Variants in DNER observed in about 807,000 individuals in gnomAD.
The protein encoded by DNER is delta and Notch-like epidermal growth factor-related receptor.
A neutral mutation model predicts 78.2 loss-of-function variants in DNER; 33 were observed. The observed-to-expected ratio is 0.42, with a 90% confidence interval of 0.32 to 0.56. DNER has a LOEUF of 0.56. Ranked by LOEUF, DNER falls within the 20% of genes least tolerant of loss-of-function variation. The pLI, the probability that DNER is intolerant of heterozygous loss-of-function variation, is 0.11. For missense variants in DNER, 918 were observed against 975.3 expected (o/e 0.94, Z 0.78); for synonymous variants, 417 against 384.8 (o/e 1.08, Z -0.98).
chr2:229,461,674 T>C (rs1694705840), intron 7 of DNER, among the ~76,000 whole-genome samples: 1 of 151,998 alleles, frequency 6.6e-6, no homozygotes, highest in South Asian at 2.1e-4. Flanking sequence ...TAATATACAG[T>C]CCTAACTGGA....
chr2:229,616,640 G>C (rs751127068), intron 1 of DNER, among the ~76,000 whole-genome samples: 7 of 152,194 alleles, frequency 4.6e-5, no homozygotes, highest in Non-Finnish European at 5.9e-5. Flanking sequence ...CTATCCACTT[G>C]TGGTCATCAT....
At chr2:229,560,877 G>A (rs370138742) in intron 4 of DNER, among the ~76,000 whole-genome samples, 6 of 151,944 alleles carry the variant, frequency 3.9e-5, no homozygotes, top group Admixed American at 1.3e-4. Flanking sequence ...TAAAGGGGCC[G>A]GGGGCATTAA....
intron 8 of DNER, 135 bp from the exon 9 acceptor site, chr2:229,418,365 T>C (rs939094698): frequency 6.5e-6 from 8 of 1,235,330 alleles, no homozygotes; most frequent in Non-Finnish European, 7.7e-6. Flanking sequence ...AGGAGCTAGA[T>C]CTCTTGGGGT....
intron 4 of DNER, among the ~76,000 whole-genome samples, chr2:229,571,055 C>T (rs867862231): frequency 1.3e-5 from 2 of 151,964 alleles, no homozygotes; most frequent in Non-Finnish European, 2.9e-5. Context: ...TGGGGTGAAG[C>T]GGGGAGGCCA....
At chr2:229,578,984 G>A (rs1697348586) in intron 4 of DNER, among the ~76,000 whole-genome samples, 1 of 152,316 alleles carries the variant, frequency 6.6e-6, no homozygotes, top group Admixed American at 6.5e-5. Flanking sequence ...TCCAAGATGA[G>A]AGGCAGCTGG....
chr2:229,518,224 T>C (rs147803612), intron 5 of DNER, among the ~76,000 whole-genome samples: 113 of 152,338 alleles, frequency 7.4e-4, no homozygotes, highest in Non-Finnish European at 1.4e-3. Context: ...TAACTGGCTA[T>C]TACTGGATAA....
chr2:229,599,689 A>C (rs1304323709), intron 1 of DNER, among the ~76,000 whole-genome samples: 1 of 152,230 alleles, frequency 6.6e-6, no homozygotes, highest in Admixed American at 6.5e-5. Flanking sequence ...ACTATCATGA[A>C]GGAAGAAATG....
chr2:229,542,353 C>T (rs1483961683), intron 5 of DNER, among the ~76,000 whole-genome samples: 1 of 152,050 alleles, frequency 6.6e-6, no homozygotes, highest in Non-Finnish European at 1.5e-5. Context: ...AAGACCTTCC[C>T]CCAAATACTG....
chr2:229,518,942 A>G (rs970648275), intron 5 of DNER, among the ~76,000 whole-genome samples: 2 of 146,228 alleles, frequency 1.4e-5, no homozygotes, highest in South Asian at 2.3e-4. Context: ...GATGCAAATC[A>G]TGCGATTACT....
intron 9 of DNER, among the ~76,000 whole-genome samples, chr2:229,408,358 G>A (rs1693435011): frequency 2.0e-5 from 3 of 152,038 alleles, no homozygotes; most frequent in South Asian, 4.2e-4. Context: ...ATCTGCTGAT[G>A]TTACACTGGA....
At chr2:229,690,041 G>T (rs1699542233) in intron 1 of DNER, among the ~76,000 whole-genome samples, 1 of 152,186 alleles carries the variant, frequency 6.6e-6, no homozygotes, top group African/African-American at 2.4e-5. Flanking sequence ...CTTTCTGTGG[G>T]TCACTGTAGT....
intron 1 of DNER, among the ~76,000 whole-genome samples, chr2:229,655,447 G>A (rs998043990): frequency 6.6e-6 from 1 of 152,130 alleles, no homozygotes; most frequent in Admixed American, 6.5e-5. Context: ...CAGGAAAAGA[G>A]AGGAGATTTC....
chr2:229,438,449 C>A (rs1408438291), intron 8 of DNER, among the ~76,000 whole-genome samples: 1 of 152,194 alleles, frequency 6.6e-6, no homozygotes, highest in Non-Finnish European at 1.5e-5. Flanking sequence ...ATATCACCTC[C>A]GCCTCCTGTT....
At chr2:229,621,314 T>C (rs1229256391) in intron 1 of DNER, among the ~76,000 whole-genome samples, 1 of 152,186 alleles carries the variant, frequency 6.6e-6, no homozygotes, top group Non-Finnish European at 1.5e-5. Flanking sequence ...AGCACAGCGT[T>C]GAAAATTGTA....
chr2:229,608,301 T>C (rs11900304), intron 1 of DNER, among the ~76,000 whole-genome samples: 6,982 of 152,290 alleles, frequency 0.046, 482 homozygotes, highest in African/African-American at 0.15. Context: ...CAGTCACACC[T>C]GTCAGTGTGT....
intron 6 of DNER, among the ~76,000 whole-genome samples, chr2:229,508,031 G>GCA (rs1322546422): frequency 6.6e-6 from 1 of 152,012 alleles, no homozygotes; most frequent in Admixed American, 6.6e-5. Context: ...AGAAGAGTGT[G>GCA]CACACACACA....
chr2:229,393,079 GC>G (rs1693051476), intron 10 of DNER, among the ~76,000 whole-genome samples: 1 of 152,028 alleles, frequency 6.6e-6, no homozygotes, highest in Non-Finnish European at 1.5e-5. Context: ...TAAAAAACAA[GC>G]CCAATGGAAC....
chr2:229,493,750 T>A (rs769010752), intron 6 of DNER, among the ~76,000 whole-genome samples: 1 of 152,190 alleles, frequency 6.6e-6, no homozygotes, highest in Non-Finnish European at 1.5e-5. Flanking sequence ...TGACAACTGA[T>A]CAGGTACTTG....
chr2:229,683,291 C>T (rs1699419725), intron 1 of DNER, among the ~76,000 whole-genome samples: 1 of 152,140 alleles, frequency 6.6e-6, no homozygotes, highest in African/African-American at 2.4e-5. Flanking sequence ...AAGATCATGA[C>T]ACTGCAAGTC....
Sources: allele counts gnomAD v4.1 joint callset (sites outside exome capture counted in the v4.1 genomes callset), GRCh38; gene constraint gnomAD v4.1.1; transcripts MANE v1.5; gene names NCBI Gene and HGNC (gene_info 2026-07-23, HGNC 2026-07-21).